CDK14: variants seen among roughly 807,000 people sequenced by gnomAD.
The protein encoded by CDK14 is cyclin dependent kinase 14, also known as cyclin-dependent kinase 14.
A neutral mutation model predicts 60.7 loss-of-function variants in CDK14; 34 were observed. That is an observed-to-expected ratio of 0.56 (90% CI 0.43 to 0.75). CDK14 has a LOEUF of 0.75. Ranked by LOEUF, CDK14 falls within the 30% of genes least tolerant of loss-of-function variation. The pLI, the probability that CDK14 is intolerant of heterozygous loss-of-function variation, is 0.00. For missense variants in CDK14, 482 were observed against 564.1 expected (o/e 0.85, Z 1.47); for synonymous variants, 197 against 203.7 (o/e 0.97, Z 0.28).
intron 2 of CDK14, among the ~76,000 whole-genome samples, chr7:90,694,344 AT>A (rs1160015493): frequency 1.3e-5 from 2 of 152,212 alleles, no homozygotes; most frequent in Admixed American, 1.3e-4. Context: ...AAACATACCC[AT>A]TTAACTTGAA....
intron 5 of CDK14, among the ~76,000 whole-genome samples, chr7:90,851,991 T>A (rs1482871618): frequency 1.3e-5 from 2 of 152,064 alleles, no homozygotes; most frequent in Non-Finnish European, 2.9e-5. Context: ...CTCAAACTCC[T>A]GGGTTCAGGT....
At chr7:90,900,367 T>C (rs575379987) in intron 7 of CDK14, among the ~76,000 whole-genome samples, 1 of 152,338 alleles carries the variant, frequency 6.6e-6, no homozygotes, top group East Asian at 1.9e-4. Context: ...TTTTTGACTG[T>C]TCATTTTTCT....
At chr7:91,129,216 G>A (rs987759123) in intron 14 of CDK14, among the ~76,000 whole-genome samples, 6 of 152,124 alleles carry the variant, frequency 3.9e-5, no homozygotes, top group Non-Finnish European at 7.4e-5. Context: ...GTTGACATTT[G>A]CACTAGTGGT....
chr7:90,715,154 G>A (rs7791841), intron 2 of CDK14, among the ~76,000 whole-genome samples: 138,894 of 152,008 alleles, frequency 0.91, 63,574 homozygotes, highest in East Asian at 1. Context: ...TTTGAAAGGT[G>A]TAGACATGAA....
At chr7:91,146,700 A>T (rs1190399637) in intron 14 of CDK14, among the ~76,000 whole-genome samples, 1 of 152,222 alleles carries the variant, frequency 6.6e-6, no homozygotes, top group Non-Finnish European at 1.5e-5. Flanking sequence ...AAGACATACA[A>T]ATGTACATGG....
chr7:91,133,553 C>A lies in CDK14; in HGVS notation c.*28+15345C>A, dbSNP rs1800178390. ...AGTCTTGAAAATTGAAGTTATTAAG[C>A]CAAGTAACATGGAGAAATACATGGG... On this transcript the variant is annotated intron_variant, in intron 14 of 14. Transcript: ENST00000380050. Among the ~76,000 whole-genome samples, 4 of 151,714 alleles carry A rather than the reference C, an allele frequency of 2.6e-5. No individual in the cohort carries two copies. The South Asian group carries it at 8.4e-4, about 32-fold the overall frequency.
At chr7:91,041,282 T>C (rs1012732114) in intron 10 of CDK14, among the ~76,000 whole-genome samples, 1 of 152,156 alleles carries the variant, frequency 6.6e-6, no homozygotes, top group African/African-American at 2.4e-5. Flanking sequence ...TTTTGTAGCT[T>C]GCATTTTGGC....
At chr7:90,782,568 A>T (rs62469758) in intron 4 of CDK14, among the ~76,000 whole-genome samples, 1,590 of 152,246 alleles carry the variant, frequency 0.01, 22 homozygotes, top group Non-Finnish European at 0.015. Flanking sequence ...TTTTGTACTT[A>T]GATGTTCTGT....
At chr7:91,185,528 T>C (rs1479988215) in intron 14 of CDK14, among the ~76,000 whole-genome samples, 1 of 152,016 alleles carries the variant, frequency 6.6e-6, no homozygotes, top group Non-Finnish European at 1.5e-5. Flanking sequence ...ATGATTTATC[T>C]ATATACCCAC....
At chr7:90,620,038 T>A (rs1360958438) in intron 2 of CDK14, among the ~76,000 whole-genome samples, 2 of 152,092 alleles carry the variant, frequency 1.3e-5, no homozygotes, top group African/African-American at 4.8e-5. Flanking sequence ...GACTCTTTAT[T>A]CATGATCTAG....
chr7:90,980,997 G>A (rs1257296049), intron 9 of CDK14, among the ~76,000 whole-genome samples: 3 of 152,152 alleles, frequency 2.0e-5, no homozygotes, highest in Admixed American at 6.5e-5. Flanking sequence ...GGGTGGCTAT[G>A]GCTTCTGCTG....
intron 14 of CDK14, among the ~76,000 whole-genome samples, chr7:91,201,070 G>C (rs57696163): frequency 0.053 from 8,058 of 151,934 alleles, 580 homozygotes; most frequent in East Asian, 0.3. Context: ...AATTAATTGC[G>C]TGCCTATCTT....
chr7:90,802,707 C>T (rs974285097), intron 5 of CDK14, among the ~76,000 whole-genome samples: 1 of 152,044 alleles, frequency 6.6e-6, no homozygotes, highest in African/African-American at 2.4e-5. Flanking sequence ...ACATTATATC[C>T]ATCAAATATG....
intron 6 of CDK14, among the ~76,000 whole-genome samples, chr7:90,872,559 T>C (rs1791403399): frequency 6.6e-6 from 1 of 152,166 alleles, no homozygotes; most frequent in Non-Finnish European, 1.5e-5. Context: ...TTTTCTATCC[T>C]TTTCCCTAAT....
chr7:90,935,768 G>A (rs1236436840), intron 8 of CDK14, among the ~76,000 whole-genome samples: 1 of 152,140 alleles, frequency 6.6e-6, no homozygotes, highest in Admixed American at 6.5e-5. Context: ...AAGAACATAG[G>A]CTGGCCGTGG....
At chr7:91,058,268 C>A (rs1271308366) in intron 11 of CDK14, among the ~76,000 whole-genome samples, 1 of 152,086 alleles carries the variant, frequency 6.6e-6, no homozygotes, top group African/African-American at 2.4e-5. Context: ...TATCCTGAGA[C>A]TTTGCTGAAG....
chr7:90,649,329 C>CT (rs1308157777), intron 2 of CDK14, among the ~76,000 whole-genome samples: 54 of 41,576 alleles, frequency 1.3e-3, no homozygotes, highest in Non-Finnish European at 1.8e-3. Context: ...TCCTTCCTTC[C>CT]TTCCTTCCTT....
intron 5 of CDK14, among the ~76,000 whole-genome samples, chr7:90,839,264 A>C (rs955873803): frequency 3.3e-5 from 5 of 152,174 alleles, no homozygotes; most frequent in African/African-American, 9.7e-5. Context: ...TCAGTGGTTG[A>C]TTGACCTGCC....
intron 11 of CDK14, among the ~76,000 whole-genome samples, chr7:91,049,848 T>C (rs1797342483): frequency 2.0e-5 from 3 of 152,288 alleles, no homozygotes; most frequent in South Asian, 4.1e-4. Flanking sequence ...GAGAGACATA[T>C]AGTAAGTGAA....
Sources: gnomAD v4.1 joint callset for allele counts (sites outside exome capture counted in the v4.1 genomes callset) on GRCh38, gnomAD v4.1.1 for gene constraint, MANE v1.5 for transcripts, NCBI Gene and HGNC (gene_info 2026-07-23, HGNC 2026-07-21) for gene names.